Variants in ADGRL2 observed in about 807,000 individuals in gnomAD.
ADGRL2 encodes adhesion G protein-coupled receptor L2, also known as calcium-independent alpha-latrotoxin receptor 2.
In ADGRL2, 44 loss-of-function variants were observed where a neutral mutation model predicts 157.4. The observed-to-expected ratio is 0.28, with a 90% CI of 0.22 to 0.36. ADGRL2 has a LOEUF of 0.36. ADGRL2 is among the 10% of genes least tolerant of loss of function. The pLI, the probability that ADGRL2 is intolerant of heterozygous loss-of-function variation, is 1.00. For missense variants in ADGRL2, 1,510 were observed against 1,768.9 expected, an observed-to-expected ratio of 0.85 and a Z score of 2.63; for synonymous variants, 585 against 624.7, an observed-to-expected ratio of 0.94 and a Z score of 0.95.
intron 2 of ADGRL2, among the ~76,000 whole-genome samples, chr1:81,572,393 A>T (rs191517792): frequency 6.6e-6 from 1 of 152,242 alleles, no homozygotes; most frequent in African/African-American, 2.4e-5. Flanking sequence ...TCTCAAAGAT[A>T]CAATGGAAAA....
chr1:81,555,971 C>G (rs17421455), intron 2 of ADGRL2, among the ~76,000 whole-genome samples: 54 of 151,712 alleles, frequency 3.6e-4, no homozygotes, highest in Admixed American at 2.6e-3. Context: ...CAAAATTTAG[C>G]GTATCACTGC....
chr1:81,438,291 T>G (rs1358624043), intron 1 of ADGRL2, among the ~76,000 whole-genome samples: 2 of 152,232 alleles, frequency 1.3e-5, no homozygotes, highest in African/African-American at 4.8e-5. Flanking sequence ...GCAAGCTGTT[T>G]GTTCCCCCAG....
At chr1:81,698,110 T>A (rs562529914), upstream of ADGRL2, among the ~76,000 whole-genome samples, 348 of 152,326 alleles carry the variant, frequency 2.3e-3, 1 homozygote, top group African/African-American at 7.9e-3. Flanking sequence ...TAGCCATTTT[T>A]CAAATAGTTG....
At chr1:81,551,776 AT>A (rs2080152615) in intron 2 of ADGRL2, among the ~76,000 whole-genome samples, 1 of 152,202 alleles carries the variant, frequency 6.6e-6, no homozygotes, top group African/African-American at 2.4e-5. Context: ...CTTCTGAAAC[AT>A]ATAGCTTTTT....
chr1:81,316,555 C>G (rs746248638), intron 1 of ADGRL2, among the ~76,000 whole-genome samples: 21 of 152,238 alleles, frequency 1.4e-4, no homozygotes, highest in South Asian at 1.0e-3. Context: ...AATAATGAAA[C>G]TTCACTAAAC....
intron 2 of ADGRL2, among the ~76,000 whole-genome samples, chr1:81,467,306 TAAG>T (rs1043705126): frequency 1.3e-5 from 2 of 152,064 alleles, no homozygotes; most frequent in African/African-American, 2.4e-5. Flanking sequence ...GGTACAAAAA[TAAG>T]AAGCAGCTAA....
At chr1:81,649,217 C>T (rs1218077963) in intron 3 of ADGRL2, among the ~76,000 whole-genome samples, 2 of 152,194 alleles carry the variant, frequency 1.3e-5, no homozygotes, top group East Asian at 3.9e-4. Context: ...TTCCGCCTTT[C>T]ACCTAATCCC....
chr1:81,818,945 A>T (rs1166780957), intron 1 of ADGRL2, among the ~76,000 whole-genome samples: 1 of 152,172 alleles, frequency 6.6e-6, no homozygotes, highest in Non-Finnish European at 1.5e-5. Context: ...AGGTAAAAAT[A>T]TAGTGCCTTA....
At chr1:81,684,998 C>T (rs560262104) in intron 3 of ADGRL2, among the ~76,000 whole-genome samples, 1 of 152,208 alleles carries the variant, frequency 6.6e-6, no homozygotes, top group Non-Finnish European at 1.5e-5. Context: ...GTCTATGTGC[C>T]TATTTTTATA....
upstream of ADGRL2, among the ~76,000 whole-genome samples, chr1:81,798,443 T>C (rs1262405896): frequency 3.9e-5 from 6 of 152,200 alleles, 1 homozygote; most frequent in East Asian, 1.2e-3. Flanking sequence ...ACACAAGCAG[T>C]ATTCTTAAAT....
intron 3 of ADGRL2, among the ~76,000 whole-genome samples, chr1:81,616,664 C>CTTTTCTTTTA (rs66510246): frequency 0.34 from 34,991 of 103,994 alleles, 5,594 homozygotes; most frequent in South Asian, 0.4. Flanking sequence ...TTTTTCTTTT[C>CTTTTCTTTTA]TTTTCTTTTC....
chr1:81,839,952 A>ATTTTCCATCATATATATATGATG, intron 2 of ADGRL2, among the ~76,000 whole-genome samples: 1 of 147,586 alleles, frequency 6.8e-6, no homozygotes. Context: ...TAATATATAT[A>ATTTTCCATCATATATATATGATG]TAAATACACA....
intron 1 of ADGRL2, among the ~76,000 whole-genome samples, chr1:81,372,545 G>C (rs1053409029): frequency 1.3e-5 from 2 of 152,162 alleles, no homozygotes; most frequent in Non-Finnish European, 2.9e-5. Context: ...AAGTTTCACA[G>C]TTTTACCTCA....
chr1:81,369,752 T>C (rs2100977298), intron 1 of ADGRL2, among the ~76,000 whole-genome samples: 1 of 152,342 alleles, frequency 6.6e-6, no homozygotes, highest in East Asian at 1.9e-4. Context: ...GAAAAACATG[T>C]TACATAAAAC....
At chr1:81,407,942 TTTTG>T (rs977121525) in intron 1 of ADGRL2, among the ~76,000 whole-genome samples, 2 of 152,194 alleles carry the variant, frequency 1.3e-5, no homozygotes, top group Non-Finnish European at 2.9e-5. Flanking sequence ...ATGTAAGCAA[TTTTG>T]TTTGTTTGTT....
intron 11 of ADGRL2, among the ~76,000 whole-genome samples, chr1:81,964,253 A>G (rs998102121): frequency 6.6e-6 from 1 of 152,078 alleles, no homozygotes; most frequent in Non-Finnish European, 1.5e-5. Flanking sequence ...ATGTATATCT[A>G]TGTTTGGGAT....
At chr1:81,785,867 G>A (rs2087018752) in intron 2 of ADGRL2, among the ~76,000 whole-genome samples, 1 of 152,046 alleles carries the variant, frequency 6.6e-6, no homozygotes. Flanking sequence ...CAGTGATTTG[G>A]AGGCCGAGGC....
chr1:81,708,783 C>T (rs1332245190), intron 1 of ADGRL2, among the ~76,000 whole-genome samples: 6 of 151,990 alleles, frequency 3.9e-5, no homozygotes, highest in Non-Finnish European at 8.8e-5. Flanking sequence ...TTATATACTT[C>T]AGCTAAACAA....
chr1:81,870,185 C>A (rs2150988990), intron 2 of ADGRL2, among the ~76,000 whole-genome samples: 1 of 141,950 alleles, frequency 7.0e-6, no homozygotes, highest in East Asian at 2.1e-4. Context: ...TTTTGATAAT[C>A]TAACTTTTGT....
Sources: allele counts gnomAD v4.1 joint callset (sites outside exome capture counted in the v4.1 genomes callset), GRCh38; gene constraint gnomAD v4.1.1; transcripts MANE v1.5; gene names NCBI Gene and HGNC (gene_info 2026-07-23, HGNC 2026-07-21).